The following SORCS2 variants were observed in gnomAD, a reference collection of about 807,000 sequenced individuals.
SORCS2 encodes sortilin related VPS10 domain containing receptor 2.
A neutral mutation model predicts 141.6 loss-of-function variants in SORCS2; 100 were observed. The ratio of observed to expected loss-of-function variants is 0.71; its 90% CI spans 0.60 to 0.83. SORCS2 has a LOEUF of 0.83. Ranked by LOEUF, SORCS2 falls within the 40% of genes least tolerant of loss-of-function variation. The pLI is 0.00. For synonymous variants in SORCS2, 789 were observed against 676.9 expected, an observed-to-expected ratio of 1.17 and a Z score of -2.57; for missense variants, 1,646 against 1,560.2, an observed-to-expected ratio of 1.05 and a Z score of -0.93.
chr4:7,401,605 G>T (rs1448784390), intron 2 of SORCS2, among the ~76,000 whole-genome samples: 4 of 152,166 alleles, frequency 2.6e-5, no homozygotes, highest in African/African-American at 7.2e-5. Flanking sequence ...GCAGCCTCAG[G>T]GATCACCCTT....
At chr4:7,706,433 T>C (rs1435883224) in intron 14 of SORCS2, among the ~76,000 whole-genome samples, 20 of 90,916 alleles carry the variant, frequency 2.2e-4, no homozygotes, top group Admixed American at 4.6e-4. Context: ...CTGGGCTCTG[T>C]CTGGGCAGGG....
chr4:7,307,766 C>A lies in SORCS2; in HGVS notation c.481-88522C>A, dbSNP rs542368404. ...GTGTGTTTGTTCATGAGTGTGTGTG[C>A]CCATGAGTTTGTGCATGAGTGTGTG... On this transcript the variant is annotated intron_variant, in intron 1 of 26. Coordinates refer to ENST00000507866, the MANE Select transcript of SORCS2 (RefSeq NM_020777.3). Among the ~76,000 whole-genome samples, 190 of 151,980 alleles carry A rather than the reference C, an allele frequency of 1.3e-3. 1 individual carries two copies. The highest frequency in any genetic ancestry group is 2.3e-3 in the Non-Finnish European group (158 of 67,994).
rs1041218635 is a variant in SORCS2 at position 7,274,215 on chromosome 4, A to G, written c.480+81089A>G. Among the ~76,000 whole-genome samples, 3 of 152,330 alleles carry G rather than the reference A, an allele frequency of 2.0e-5. No individual in the cohort carries two copies. In the East Asian group the frequency reaches 5.8e-4, roughly 29 times the overall value. On this transcript the variant is annotated intron_variant, in intron 1 of 26. Coordinates refer to ENST00000507866, the MANE Select transcript of SORCS2 (RefSeq NM_020777.3). ...TGGGAACCCCTTTCCCCATAGGCAG[A>G]TGCTGTGAAGTACTGAAAATACTGA...
At chr4:7,340,977 C>T (rs1720337448) in intron 1 of SORCS2, among the ~76,000 whole-genome samples, 1 of 152,196 alleles carries the variant, frequency 6.6e-6, no homozygotes, top group South Asian at 2.1e-4. Flanking sequence ...GCTGCATGGC[C>T]AGAGCAGCTG....
chr4:7,359,459 C>T (rs1721451805), intron 1 of SORCS2, among the ~76,000 whole-genome samples: 1 of 152,182 alleles, frequency 6.6e-6, no homozygotes, highest in Non-Finnish European at 1.5e-5. Flanking sequence ...CAGGAAAAGG[C>T]ATTCAGGAAA....
intron 2 of SORCS2, chr4:7,434,624 C>T (rs1389627288): frequency 6.2e-7 from 1 of 1,613,342 alleles, no homozygotes. Flanking sequence ...GCCAGGATGT[C>T]AGACTCCGTG....
intron 1 of SORCS2, among the ~76,000 whole-genome samples, chr4:7,214,007 T>C (rs1460289912): frequency 6.6e-6 from 1 of 152,212 alleles, no homozygotes; most frequent in Non-Finnish European, 1.5e-5. Flanking sequence ...TGTTTGTTTT[T>C]GTGCCTTTGC....
chr4:7,531,509 G>A (rs754685049), intron 2 of SORCS2, 21 bp from the exon 3 acceptor site: 2 of 1,610,150 alleles, frequency 1.2e-6, no homozygotes, highest in Admixed American at 1.7e-5. Flanking sequence ...ATGGCTGACG[G>A]CTGTCCCCCT....
chr4:7,649,338 G>A (rs1262150387), intron 4 of SORCS2, among the ~76,000 whole-genome samples: 2 of 150,956 alleles, frequency 1.3e-5, no homozygotes, highest in Non-Finnish European at 3.0e-5. Flanking sequence ...GGCAGCCAGA[G>A]GGGGGTCCAA....
At chr4:7,452,910 TGCTGTGTTGAGGTC>T (rs1728568624) in intron 2 of SORCS2, among the ~76,000 whole-genome samples, 1 of 100,102 alleles carries the variant, frequency 1.0e-5, no homozygotes, top group Non-Finnish European at 2.0e-5. Context: ...TGGGGTCAGG[TGCTGTGTTGAGGTC>T]AGGAGCTGTG....
intron 3 of SORCS2, among the ~76,000 whole-genome samples, chr4:7,537,459 C>A (rs1712223207): frequency 6.6e-6 from 1 of 152,200 alleles, no homozygotes; most frequent in South Asian, 2.1e-4. Flanking sequence ...CCACACCCAC[C>A]CATTCAGCAG....
intron 3 of SORCS2, among the ~76,000 whole-genome samples, chr4:7,561,481 TGTCCATCCATCTACCC>T: frequency 1.3e-5 from 1 of 79,520 alleles, no homozygotes; most frequent in African/African-American, 7.9e-5. Context: ...TCCATCTACC[TGTCCATCCATCTACCC>T]ATTCATCCAT....
intron 4 of SORCS2, among the ~76,000 whole-genome samples, chr4:7,647,182 T>C (rs949301088): frequency 6.6e-6 from 1 of 151,774 alleles, no homozygotes. Flanking sequence ...TTCCAGATGA[T>C]TGAGCTTGGG....
intron 2 of SORCS2, among the ~76,000 whole-genome samples, chr4:7,473,385 T>C (rs1468850387): frequency 1.3e-5 from 2 of 152,020 alleles, no homozygotes; most frequent in Non-Finnish European, 1.5e-5. Flanking sequence ...GGATTGGGTA[T>C]ACGGATGCCC....
chr4:7,396,477 C>T, intron 2 of SORCS2, 122 bp downstream of exon 2: 3 of 944,548 alleles, frequency 3.2e-6, no homozygotes, highest in South Asian at 3.3e-5. Flanking sequence ...AGTGGCCTCG[C>T]AACTTTTCTT....
chr4:7,721,608 G>A (rs944212527), intron 18 of SORCS2, among the ~76,000 whole-genome samples: 1 of 152,212 alleles, frequency 6.6e-6, no homozygotes, highest in African/African-American at 2.4e-5. Flanking sequence ...TGGAGAAAGA[G>A]AATAGAAATT....
At chr4:7,730,453 A>T (rs1208584864) in intron 23 of SORCS2, among the ~76,000 whole-genome samples, 1 of 152,216 alleles carries the variant, frequency 6.6e-6, no homozygotes, top group Admixed American at 6.5e-5. Flanking sequence ...TCCACAGTAC[A>T]TGGATTCACA....
chr4:7,337,872 C>T (rs1432343473), intron 1 of SORCS2, among the ~76,000 whole-genome samples: 1 of 152,186 alleles, frequency 6.6e-6, no homozygotes, highest in African/African-American at 2.4e-5. Context: ...GCCTGCCACC[C>T]ACACATGCTC....
rs762577754 is a variant in SORCS2, at chr4:7,725,272, C to T, written c.2730C>T (p.Ile910=). The T allele has an allele frequency of 2.4e-5, 39 of 1,613,024 alleles. No homozygotes were observed. The Admixed American group carries it at 2.5e-4, about 10-fold the overall frequency. Residue 910 remains isoleucine, a synonymous_variant, in exon 20 of 27, where the codon ATC becomes ATT. Coordinates refer to ENST00000507866, the MANE Select transcript of SORCS2 (RefSeq NM_020777.3). ...NPNLTVFYWW[I]GHSLQPLLSL... is the part of the protein sequence containing the mutation. ...ACCTCACCGTCTTCTACTGGTGGAT[C>T]GGCCACAGCCTGCAGGTGCGCTGGC...
Sources: gnomAD v4.1 joint callset for allele counts (sites outside exome capture counted in the v4.1 genomes callset) on GRCh38, gnomAD v4.1.1 for gene constraint, MANE v1.5 for transcripts, NCBI Gene and HGNC (gene_info 2026-07-23, HGNC 2026-07-21) for gene names.